CD38: variants seen among roughly 807,000 people sequenced by gnomAD.
CD38 encodes CD38 molecule.
Under a neutral mutation model 36.3 loss-of-function variants are expected in CD38, and 31 were observed. That is an observed-to-expected ratio of 0.85 (90% CI 0.64 to 1.15). CD38 has a LOEUF of 1.15. Among genes scored for constraint, CD38 ranks in the 50% most tolerant of loss-of-function variants. The pLI is 0.00. For synonymous variants in CD38, 131 were observed against 135.2 expected (o/e 0.97, Z 0.22); for missense variants, 380 against 371.9 (o/e 1.02, Z -0.18).
chr4:15,784,379 C>A (rs3756242), intron 1 of CD38, among the ~76,000 whole-genome samples: 22,746 of 152,080 alleles, frequency 0.15, 1,880 homozygotes, highest in South Asian at 0.26. Flanking sequence ...GTGTGTGTTA[C>A]CCTGCTGAGA....
intron 3 of CD38, chr4:15,825,729 A>G (rs538219663): frequency 1.3e-5 from 2 of 152,174 alleles, no homozygotes; most frequent in South Asian, 4.1e-4. Flanking sequence ...TAAGGTCATC[A>G]TTCAGGTCCA....
At chr4:15,806,050 G>A (rs891572143) in intron 1 of CD38, among the ~76,000 whole-genome samples, 11 of 152,206 alleles carry the variant, frequency 7.2e-5, no homozygotes, top group Non-Finnish European at 1.2e-4. Context: ...TGGGGACTTT[G>A]AAACATAGTT....
chr4:15,816,382 G>A lies in CD38; in HGVS notation c.234-129G>A, dbSNP rs78154727. ...ACCCCTGGTAGACTGCATGTTAGAC[G>A]AGATAATATGTATGAACTACCTGGC... On this transcript the variant is annotated intron_variant, in intron 1 of 7. Transcript: ENST00000226279. The A allele has an allele frequency of 2.0e-3, 1,364 of 680,410 alleles. 15 individuals carry two copies. The African/African-American group carries it at 0.022, about 11-fold the overall frequency. The allele number at this position is 680,410 out of a possible 1,614,324, so 42.1% of individuals were successfully genotyped here. A position where few individuals can be genotyped will look rare whatever the true frequency, so the allele number is the denominator to read the frequency against.
At chr4:15,786,674 A>G (rs1722839411) in intron 1 of CD38, among the ~76,000 whole-genome samples, 1 of 152,220 alleles carries the variant, frequency 6.6e-6, no homozygotes, top group African/African-American at 2.4e-5. Context: ...GGCTTCACCT[A>G]GCCGATTGTG....
Position 15,852,017 on chromosome 4 carries a change from A to G in CD38, c.*3415A>G, listed in dbSNP as rs183021362. The G allele has an allele frequency of 4.6e-5, 7 of 152,382 alleles. No homozygotes were observed. The East Asian group carries it at 1.3e-3, about 29-fold the overall frequency. The allele number at this position is 152,382 out of a possible 1,614,324, so 9.4% of individuals were successfully genotyped here. Reference sequence around the variant, plus strand: ...AGTATTATAATCTTATGAGACCGTCATCATATATGTGGTCCACTGTTTGGG... The same window carrying G: ...AGTATTATAATCTTATGAGACCGTCGTCATATATGTGGTCCACTGTTTGGG... On this transcript the variant is annotated 3_prime_UTR_variant, in exon 8 of 8. Coordinates refer to ENST00000226279, the MANE Select transcript of CD38 (RefSeq NM_001775.4).
Position 15,778,349 on chromosome 4 carries a change from C to A in CD38, c.-66C>A. On this transcript the variant is annotated 5_prime_UTR_variant, in exon 1 of 8. Coordinates refer to ENST00000226279, the MANE Select transcript of CD38 (RefSeq NM_001775.4). This position sits in a 1 kb window ranked among gnomAD's most constrained non-coding sequence, Gnocchi z 4.9. ...AGGTGCAGTTTCAGAACCCAGCCAG[C>A]CTCTCTCTTGCTGCCTAGCCTCCTG... is the stretch of plus-strand genomic sequence containing the variant. 9.5e-7 allele frequency: 1 copy of A among 1,057,588 alleles called. No individual in the cohort carries two copies. The highest frequency in any genetic ancestry group is 1.3e-5 in the South Asian group (1 of 79,054). The allele number at this position is 1,057,588 out of a possible 1,614,324, so 65.5% of individuals were successfully genotyped here. A position where few individuals can be genotyped will look rare whatever the true frequency, so the allele number is the denominator to read the frequency against.
intron 7 of CD38, among the ~76,000 whole-genome samples, chr4:15,845,772 GACAA>G (rs1724258098): frequency 4.9e-5 from 1 of 20,250 alleles, no homozygotes; most frequent in African/African-American, 5.7e-4. Flanking sequence ...ACCAACAACA[GACAA>G]ACAGAGAGCC....
chr4:15,816,485 GT>G (rs759293494), intron 1 of CD38, 25 bp from the exon 2 acceptor site: 2 of 1,548,918 alleles, frequency 1.3e-6, no homozygotes, highest in Admixed American at 4.0e-5. Flanking sequence ...AATAATTTAT[GT>G]TTTATTTTCT....
intron 2 of CD38, among the ~76,000 whole-genome samples, chr4:15,821,694 CA>C (rs59688929): frequency 0.23 from 17,712 of 77,716 alleles, 943 homozygotes; most frequent in East Asian, 0.32. Context: ...AAATACCAAC[CA>C]AAAAAAAAAA....
chr4:15,836,695 C>T (rs1418902562), intron 4 of CD38, among the ~76,000 whole-genome samples: 1 of 152,158 alleles, frequency 6.6e-6, no homozygotes, highest in Non-Finnish European at 1.5e-5. Context: ...TTTGAATCTG[C>T]TTATTGGTTC....
intron 7 of CD38, among the ~76,000 whole-genome samples, 152 bp from the exon 8 acceptor site, chr4:15,848,386 TC>T (rs1724309411): frequency 6.6e-6 from 1 of 152,088 alleles, no homozygotes; most frequent in Admixed American, 6.5e-5. Context: ...ATAGCTCCCC[TC>T]CCGACATGTC....
chr4:15,810,513 C>T (rs1016530811), intron 1 of CD38, among the ~76,000 whole-genome samples: 1 of 152,146 alleles, frequency 6.6e-6, no homozygotes, highest in African/African-American at 2.4e-5. Context: ...AGAATTGAAA[C>T]AAGATCCCCT....
At chr4:15,824,656 A>G (rs1723806998) in intron 2 of CD38, among the ~76,000 whole-genome samples, 1 of 151,040 alleles carries the variant, frequency 6.6e-6, no homozygotes, top group Non-Finnish European at 1.5e-5. Context: ...CCTAGAATAA[A>G]AGATTCATTT....
intron 1 of CD38, among the ~76,000 whole-genome samples, chr4:15,796,953 A>G (rs1723115726): frequency 6.6e-6 from 1 of 152,204 alleles, no homozygotes; most frequent in Non-Finnish European, 1.5e-5. Context: ...GTATGTATAC[A>G]TACGTGGATG....
chr4:15,787,201 C>G lies in CD38; in HGVS notation c.233+8554C>G, dbSNP rs375376198. ...GCTCCTCAAGCACGGCCAGAGTGGG[C>G]GCGCAGAGGCCGGGGGGCACTGAGA... is the stretch of plus-strand genomic sequence containing the variant. On this transcript the variant is annotated intron_variant, in intron 1 of 7. Transcript: ENST00000226279. Among the ~76,000 whole-genome samples, 46 of 152,242 alleles carry G rather than the reference C, an allele frequency of 3.0e-4. 1 individual carries two copies. Among genetic ancestry groups the G allele is most frequent in the Admixed American group, 1.3e-4 (2 of 15,290 alleles).
intron 1 of CD38, among the ~76,000 whole-genome samples, chr4:15,788,549 C>T (rs1212336353): frequency 6.6e-6 from 1 of 152,044 alleles, no homozygotes; most frequent in Non-Finnish European, 1.5e-5. Flanking sequence ...GGCTGCTTAG[C>T]TTGGATGAAT....
rs977141386 is a variant in CD38, at chr4:15,852,249, T to C, written c.*3647T>C. 1 of 152,246 alleles carries C rather than the reference T, an allele frequency of 6.6e-6. No homozygotes were observed. Among genetic ancestry groups the C allele is most frequent in the Non-Finnish European group, 1.5e-5 (1 of 68,048 alleles). The allele number at this position is 152,246 out of a possible 1,614,324, so 9.4% of individuals were successfully genotyped here. On this transcript the variant is annotated 3_prime_UTR_variant, in exon 8 of 8. Coordinates refer to ENST00000226279, the MANE Select transcript of CD38 (RefSeq NM_001775.4). The stretch of plus-strand genomic sequence containing the variant: ...CTATCAAATATTTTGGCAAAACACA[T>C]TGTTTCTTTGGCTTTGCCTTGGTAA...
chr4:15,780,312 G>T (rs558000748), intron 1 of CD38, among the ~76,000 whole-genome samples: 1 of 152,214 alleles, frequency 6.6e-6, no homozygotes, highest in East Asian at 1.9e-4. Context: ...CTTGAATGCT[G>T]AATATTTTCA....
chr4:15,851,501 C>G lies in CD38; in HGVS notation c.*2899C>G, dbSNP rs1280088252. On this transcript the variant is annotated 3_prime_UTR_variant, in exon 8 of 8. Coordinates refer to ENST00000226279, the MANE Select transcript of CD38 (RefSeq NM_001775.4). Reference sequence around the variant, plus strand: ...TGGGAATGACCTGGGCCCTAATGCCCCTTTTCTAAATTCCTAAGGCTCACC... The same window carrying G: ...TGGGAATGACCTGGGCCCTAATGCCGCTTTTCTAAATTCCTAAGGCTCACC... The G allele has an allele frequency of 6.6e-6, 1 of 152,188 alleles. No homozygotes were observed. Among genetic ancestry groups the G allele is most frequent in the Non-Finnish European group, 1.5e-5 (1 of 68,046 alleles). 9.4% of individuals were successfully genotyped at this position (152,188 alleles called of 1,614,324 possible). A position where few individuals can be genotyped will look rare whatever the true frequency, so the allele number is the denominator to read the frequency against.
Sources: gnomAD v4.1 joint callset for allele counts (sites outside exome capture counted in the v4.1 genomes callset) on GRCh38, gnomAD v4.1.1 for gene constraint, Gnocchi (gnomAD v3.1) non-coding constraint, MANE v1.5 for transcripts, NCBI Gene and HGNC (gene_info 2026-07-23, HGNC 2026-07-21) for gene names.